Variants in MCC observed in about 807,000 individuals in gnomAD.
MCC encodes colorectal mutant cancer protein.
MCC carries 90 observed loss-of-function variants against 116.2 expected under a neutral mutation model. That is an observed-to-expected ratio of 0.77 (90% CI 0.65 to 0.92). The LOEUF is 0.92. Among genes scored for constraint, MCC ranks in the 40% least tolerant of loss-of-function variants. The pLI is 0.00. For synonymous variants in MCC, 578 were observed against 510.5 expected (o/e 1.13, Z -1.78); for missense variants, 1,516 against 1,312.2 (o/e 1.16, Z -2.40).
intron 8 of MCC, among the ~76,000 whole-genome samples, chr5:113,100,768 G>A (rs1185898163): frequency 6.6e-6 from 1 of 152,144 alleles, no homozygotes; most frequent in Non-Finnish European, 1.5e-5. Flanking sequence ...ACTGTGCCTG[G>A]CCAGTATTTT....
chr5:113,197,178 G>C (rs1338818233), intron 3 of MCC, among the ~76,000 whole-genome samples: 1 of 152,158 alleles, frequency 6.6e-6, no homozygotes, highest in Non-Finnish European at 1.5e-5. Context: ...AATACGTTCT[G>C]GGTCGATGGG....
Position 113,027,007 on chromosome 5 carries a change from G to A in MCC, c.*295C>T, listed in dbSNP as rs974204453. 2.8e-6 allele frequency: 1 copy of A among 352,372 alleles called. No individual in the cohort carries two copies. The highest frequency in any genetic ancestry group is 5.1e-6 in the Non-Finnish European group (1 of 196,072). The allele number at this position is 352,372 out of a possible 1,614,324, so 21.8% of individuals were successfully genotyped here. A position where few individuals can be genotyped will look rare whatever the true frequency, so the allele number is the denominator to read the frequency against. ...GCACAGCCGCCAGACCAGAAGAGGAGGGGGAGAGTGAGTGCTGAAAGCAGA... is the reference window on the plus strand; with the variant it reads ...GCACAGCCGCCAGACCAGAAGAGGAAGGGGAGAGTGAGTGCTGAAAGCAGA... On this transcript the variant is annotated 3_prime_UTR_variant, in exon 19 of 19. Transcript: ENST00000408903.
In MCC at chr5:113,025,845, A is replaced by G. The variant is rs1158328570; in HGVS notation, c.*1457T>C. 1 of 152,172 alleles carries G rather than the reference A, an allele frequency of 6.6e-6. No homozygotes were observed. Among genetic ancestry groups the G allele is most frequent in the African/African-American group, 2.4e-5 (1 of 41,432 alleles). The allele number at this position is 152,172 out of a possible 1,614,324, so 9.4% of individuals were successfully genotyped here. A position where few individuals can be genotyped will look rare whatever the true frequency, so the allele number is the denominator to read the frequency against. On this transcript the variant is annotated 3_prime_UTR_variant, in exon 19 of 19. Transcript: ENST00000408903. ...GCGAACAGAAGGCTGTGGAATTTGT[A>G]TCATGCTCTGAAAATAGACCTACCC...
chr5:113,414,558 G>C (rs1335104518), intron 1 of MCC, among the ~76,000 whole-genome samples: 3 of 152,044 alleles, frequency 2.0e-5, no homozygotes, highest in African/African-American at 7.2e-5. Flanking sequence ...TTGGTTTAAA[G>C]TCCGTTTTAT....
intron 3 of MCC, chr5:113,294,808 C>G: frequency 1.0e-6 from 1 of 986,782 alleles, no homozygotes; most frequent in African/African-American, 1.7e-5. Flanking sequence ...CGGCGAGCTC[C>G]CGAAAAAACT....
At chr5:113,200,840 G>A (rs1409505796) in intron 3 of MCC, among the ~76,000 whole-genome samples, 1 of 152,202 alleles carries the variant, frequency 6.6e-6, no homozygotes, top group Non-Finnish European at 1.5e-5. Context: ...CATCTTGCAG[G>A]AAACTGGTGC....
chr5:113,023,815 T>A lies in MCC; in HGVS notation c.*3487A>T, dbSNP rs111392734. On this transcript the variant is annotated 3_prime_UTR_variant, in exon 19 of 19. Transcript: ENST00000408903. ...ACTCTTGAGAGCTATTAAGGTTGACTGATAGACTTAAAAAGTGATTGCTTT... is the reference window on the plus strand; with the variant it reads ...ACTCTTGAGAGCTATTAAGGTTGACAGATAGACTTAAAAAGTGATTGCTTT... The A allele has an allele frequency of 1.7e-3, 265 of 152,150 alleles. 1 individual carries two copies. The highest frequency in any genetic ancestry group is 6.1e-3 in the African/African-American group (253 of 41,476). The allele number at this position is 152,150 out of a possible 1,614,324, so 9.4% of individuals were successfully genotyped here. A position where few individuals can be genotyped will look rare whatever the true frequency, so the allele number is the denominator to read the frequency against.
At chr5:113,474,073 C>T (rs1772168926) in intron 1 of MCC, among the ~76,000 whole-genome samples, 1 of 152,136 alleles carries the variant, frequency 6.6e-6, no homozygotes, top group Non-Finnish European at 1.5e-5. Context: ...TATGTATTTT[C>T]AAAATATAAA....
chr5:113,316,498 C>T (rs1767288915), intron 3 of MCC, among the ~76,000 whole-genome samples: 1 of 152,142 alleles, frequency 6.6e-6, no homozygotes, highest in Non-Finnish European at 1.5e-5. Flanking sequence ...GAATATTCTC[C>T]TAGAGCTCAT....
chr5:113,380,287 T>C (rs1769084990), intron 2 of MCC, among the ~76,000 whole-genome samples: 1 of 152,240 alleles, frequency 6.6e-6, no homozygotes, highest in African/African-American at 2.4e-5. Context: ...CTGAAACTCC[T>C]GTTCACAGTA....
rs1027540039 is a variant in MCC, at chr5:113,290,426, T to C, written c.627+50093A>G. Among the ~76,000 whole-genome samples, 23 of 152,212 alleles carry C rather than the reference T, an allele frequency of 1.5e-4. 1 individual carries two copies. Among genetic ancestry groups the C allele is most frequent in the Admixed American group, 1.3e-3 (20 of 15,278 alleles). ...TTCTTTGAGTAAGAATATTTTTTCA[T>C]CTCCAGAGGTTATGATTGCCATGGG... On this transcript the variant is annotated intron_variant, in intron 3 of 18. Coordinates refer to ENST00000408903, the MANE Select transcript of MCC (RefSeq NM_001085377.2).
chr5:113,073,832 C>T (rs567852383), intron 11 of MCC, among the ~76,000 whole-genome samples: 10 of 152,256 alleles, frequency 6.6e-5, no homozygotes, highest in East Asian at 3.9e-4. Flanking sequence ...GGTTGGGGGA[C>T]GGGCGTCCGC....
chr5:113,478,538 G>A (rs779820353), intron 1 of MCC, among the ~76,000 whole-genome samples: 20 of 152,172 alleles, frequency 1.3e-4, no homozygotes, highest in Admixed American at 2.6e-4. Context: ...ACTAAGGGAG[G>A]AGCAGCCTGG....
intron 11 of MCC, among the ~76,000 whole-genome samples, chr5:113,079,435 G>C (rs574778039): frequency 2.7e-4 from 41 of 152,314 alleles, no homozygotes; most frequent in African/African-American, 9.4e-4. Flanking sequence ...AACCAAAACA[G>C]CATGGTACTG....
chr5:113,133,692 G>A (rs1316114830), intron 5 of MCC, among the ~76,000 whole-genome samples: 1 of 152,022 alleles, frequency 6.6e-6, no homozygotes, highest in Admixed American at 6.6e-5. Context: ...GTTTTTTGAG[G>A]AATTTTCATA....
At chr5:113,118,355 AT>A (rs1340888188) in intron 6 of MCC, among the ~76,000 whole-genome samples, 1 of 151,882 alleles carries the variant, frequency 6.6e-6, no homozygotes, top group African/African-American at 2.4e-5. Context: ...ATAAGAGGTA[AT>A]TTTTTTAAAA....
chr5:113,450,535 G>C (rs1386999641), intron 1 of MCC, among the ~76,000 whole-genome samples: 2 of 152,196 alleles, frequency 1.3e-5, no homozygotes, highest in Non-Finnish European at 1.5e-5. Flanking sequence ...AGGACCATTT[G>C]CTTAACATGA....
chr5:113,193,352 C>T (rs1194375527), intron 3 of MCC, among the ~76,000 whole-genome samples: 1 of 146,920 alleles, frequency 6.8e-6, no homozygotes, highest in Non-Finnish European at 1.5e-5. Flanking sequence ...GGACATGGAC[C>T]TCTTGGGGTG....
intron 15 of MCC, among the ~76,000 whole-genome samples, chr5:113,052,049 C>T (rs1348330292): frequency 2.0e-5 from 3 of 152,148 alleles, no homozygotes; most frequent in Non-Finnish European, 4.4e-5. Flanking sequence ...TTGTTCTCCT[C>T]CCAGCTTTTC....
Sources: allele counts gnomAD v4.1 joint callset (sites outside exome capture counted in the v4.1 genomes callset), GRCh38; gene constraint gnomAD v4.1.1; transcripts MANE v1.5; gene names NCBI Gene and HGNC (gene_info 2026-07-23, HGNC 2026-07-21).